The following PLCB1 variants were observed in gnomAD, a reference collection of about 807,000 sequenced individuals.
PLCB1 encodes phospholipase C beta 1, also known as 1-phosphatidylinositol 4,5-bisphosphate phosphodiesterase beta-1.
Under a neutral mutation model 161.8 loss-of-function variants are expected in PLCB1, and 46 were observed. The observed-to-expected ratio is 0.28, with a 90% CI of 0.22 to 0.36. PLCB1 has a LOEUF of 0.36. Among genes scored for constraint, PLCB1 ranks in the 10% least tolerant of loss-of-function variants. The probability of loss-of-function intolerance (pLI) is 1.00; values close to 1 mark genes in which losing one functional copy is unlikely to be tolerated. For synonymous variants in PLCB1, 517 were observed against 503.7 expected (o/e 1.03, Z -0.35); for missense variants, 1,016 against 1,472.5 (o/e 0.69, Z 5.07).
At chr20:8,205,671 T>C (rs952805639) in intron 2 of PLCB1, among the ~76,000 whole-genome samples, 4 of 152,194 alleles carry the variant, frequency 2.6e-5, no homozygotes, top group Non-Finnish European at 5.9e-5. Flanking sequence ...TAGGAATTAC[T>C]ATTAATTTGC....
chr20:8,402,783 T>G (rs938240446), intron 3 of PLCB1, among the ~76,000 whole-genome samples: 2 of 151,946 alleles, frequency 1.3e-5, no homozygotes, highest in Admixed American at 1.3e-4. Context: ...AGGCGGAGCT[T>G]GCAGTCAGCC....
chr20:8,458,921 G>T lies in PLCB1; in HGVS notation c.246+87471G>T, dbSNP rs560077913. ...TAACATGGTGTCTACACTTTGAAAT[G>T]TTCAAATCCTATTTCAATAGAATTA... is the stretch of plus-strand genomic sequence containing the variant. On this transcript the variant is annotated intron_variant, in intron 3 of 31. Transcript: ENST00000338037. Among the ~76,000 whole-genome samples, 27 of 152,296 alleles carry T rather than the reference G, an allele frequency of 1.8e-4. 2 individuals are homozygous for T. The South Asian group carries it at 5.6e-3, about 32-fold the overall frequency.
At chr20:8,364,483 C>A (rs1390989301) in intron 2 of PLCB1, among the ~76,000 whole-genome samples, 1 of 152,136 alleles carries the variant, frequency 6.6e-6, no homozygotes, top group Non-Finnish European at 1.5e-5. Flanking sequence ...TATTAATGAA[C>A]TTTCAGTGTC....
chr20:8,561,383 A>G (rs1986136409), intron 3 of PLCB1, among the ~76,000 whole-genome samples: 1 of 151,970 alleles, frequency 6.6e-6, no homozygotes, highest in African/African-American at 2.4e-5. Context: ...TAGAGCACTC[A>G]TTCTTTATCT....
intron 26 of PLCB1, among the ~76,000 whole-genome samples, chr20:8,767,357 A>G (rs1982375849): frequency 6.6e-6 from 1 of 152,154 alleles, no homozygotes; most frequent in Non-Finnish European, 1.5e-5. Context: ...GGAGCATCCT[A>G]GAAATTGAAG....
At chr20:8,802,503 A>G (rs1433403268) in intron 31 of PLCB1, 1 of 262,992 alleles carries the variant, frequency 3.8e-6, no homozygotes, top group Non-Finnish European at 7.0e-6. Context: ...CACTCAGACT[A>G]TTATTCCCAC....
chr20:8,142,121 G>A (rs1341108145), intron 1 of PLCB1, among the ~76,000 whole-genome samples: 1 of 152,150 alleles, frequency 6.6e-6, no homozygotes, highest in Non-Finnish European at 1.5e-5. Flanking sequence ...TTCCCTAGGG[G>A]AGAGCATAGG....
At chr20:8,183,381 T>C (rs1456284432) in intron 2 of PLCB1, among the ~76,000 whole-genome samples, 4 of 152,224 alleles carry the variant, frequency 2.6e-5, no homozygotes, top group Non-Finnish European at 4.4e-5. Context: ...CATCACAAGG[T>C]AAAATTTGAT....
intron 7 of PLCB1, among the ~76,000 whole-genome samples, chr20:8,650,848 G>A (rs1254110999): frequency 5.3e-5 from 6 of 114,216 alleles, no homozygotes; most frequent in Non-Finnish European, 1.0e-4. Context: ...AGTTTTTACT[G>A]AGGGGGTGCA....
intron 3 of PLCB1, among the ~76,000 whole-genome samples, chr20:8,533,979 C>T (rs570504734): frequency 1.3e-4 from 20 of 152,188 alleles, no homozygotes; most frequent in Non-Finnish European, 2.5e-4. Context: ...GTTTTCTTCT[C>T]GGGTTTTTAT....
chr20:8,870,784 A>G (rs1458501010), intron 31 of PLCB1, among the ~76,000 whole-genome samples: 1 of 152,212 alleles, frequency 6.6e-6, no homozygotes, highest in African/African-American at 2.4e-5. Context: ...TCTAAATCTG[A>G]GCATTAGCAT....
At chr20:8,683,733 C>T (rs1990277918) in intron 9 of PLCB1, among the ~76,000 whole-genome samples, 1 of 152,060 alleles carries the variant, frequency 6.6e-6, no homozygotes, top group South Asian at 2.1e-4. Context: ...ACTAAATTAC[C>T]TGTGTCATAT....
chr20:8,355,673 C>A (rs934908609), intron 2 of PLCB1, among the ~76,000 whole-genome samples: 2 of 152,078 alleles, frequency 1.3e-5, no homozygotes, highest in Admixed American at 6.5e-5. Flanking sequence ...GAATGAGCAA[C>A]CTTTGCCTTA....
intron 3 of PLCB1, among the ~76,000 whole-genome samples, chr20:8,495,918 G>A (rs914450811): frequency 5.3e-5 from 8 of 152,032 alleles, no homozygotes; most frequent in African/African-American, 1.9e-4. Context: ...TTCCCCCAAA[G>A]CAACTGATGT....
At chr20:8,199,815 G>C (rs2052072442) in intron 2 of PLCB1, among the ~76,000 whole-genome samples, 1 of 152,066 alleles carries the variant, frequency 6.6e-6, no homozygotes, top group East Asian at 1.9e-4. Context: ...AAGTATTTGT[G>C]AATATTGTAA....
At chr20:8,701,392 G>A (rs1356983765) in intron 11 of PLCB1, among the ~76,000 whole-genome samples, 1 of 152,090 alleles carries the variant, frequency 6.6e-6, no homozygotes, top group Non-Finnish European at 1.5e-5. Context: ...TATCTGCCTG[G>A]TTCTTCCCTT....
At position 8,821,538 on chromosome 20, in the gene PLCB1, TA is replaced by T. The variant is rs1568612825; in HGVS notation, c.3423+31278del. Among the ~76,000 whole-genome samples, 3 of 80,952 alleles carry T rather than the reference TA, an allele frequency of 3.7e-5. 1 individual carries two copies. Among genetic ancestry groups the T allele is most frequent in the Non-Finnish European group, 4.6e-5 (2 of 43,558 alleles). The allele number at this position is 80,952 out of a possible 152,430, so 53.1% of individuals were successfully genotyped here. On this transcript the variant is annotated intron_variant, in intron 31 of 31. Coordinates refer to ENST00000338037, the MANE Select transcript of PLCB1 (RefSeq NM_015192.4). The stretch of plus-strand genomic sequence containing the variant: ...ATATATATATATATATATATATATA[TA>T]TATATATATATATATATATTTAAAT...
chr20:8,283,218 A>G (rs1019284494), intron 2 of PLCB1, among the ~76,000 whole-genome samples: 1 of 152,208 alleles, frequency 6.6e-6, no homozygotes, highest in Non-Finnish European at 1.5e-5. Context: ...GTTTCATCTT[A>G]ATTCTAGTTA....
At chr20:8,732,807 T>C (rs1980338421) in intron 18 of PLCB1, among the ~76,000 whole-genome samples, 1 of 144,418 alleles carries the variant, frequency 6.9e-6, no homozygotes, top group Admixed American at 7.1e-5. Context: ...TAATATATGT[T>C]AGATATTAGA....
Sources: gnomAD v4.1 joint callset for allele counts (sites outside exome capture counted in the v4.1 genomes callset) on GRCh38, gnomAD v4.1.1 for gene constraint, MANE v1.5 for transcripts, NCBI Gene and HGNC (gene_info 2026-07-23, HGNC 2026-07-21) for gene names.